Variants in AGBL1 observed in about 807,000 individuals in gnomAD.
AGBL1 encodes the protein AGBL carboxypeptidase 1.
AGBL1 carries 130 observed loss-of-function variants against 118.9 expected under a neutral mutation model. The ratio of observed to expected loss-of-function variants is 1.09; its 90% CI spans 0.95 to 1.26. The LOEUF is 1.26. AGBL1 is among the 50% of genes most tolerant of loss of function. The probability of loss-of-function intolerance (pLI) is 0.00; values close to 1 mark genes in which losing one functional copy is unlikely to be tolerated. For missense variants in AGBL1, 1,584 were observed against 1,298.1 expected (o/e 1.22, Z -3.38); for synonymous variants, 555 against 478.9 (o/e 1.16, Z -2.08).
At chr15:86,338,909 T>G (rs1378746178) in intron 17 of AGBL1, among the ~76,000 whole-genome samples, 1 of 152,162 alleles carries the variant, frequency 6.6e-6, no homozygotes, top group Non-Finnish European at 1.5e-5. Context: ...GTAGGTTTGT[T>G]GTGGATGATT....
chr15:86,604,049 C>T (rs1323110742), intron 21 of AGBL1, among the ~76,000 whole-genome samples: 2 of 151,592 alleles, frequency 1.3e-5, no homozygotes, highest in Admixed American at 1.3e-4. Flanking sequence ...CATTTTCTTA[C>T]ACCATTAGCT....
chr15:86,416,411 A>C (rs916387711), intron 18 of AGBL1, among the ~76,000 whole-genome samples: 2 of 152,142 alleles, frequency 1.3e-5, no homozygotes, highest in Non-Finnish European at 2.9e-5. Flanking sequence ...AGTGTTTATG[A>C]GTCCTGATCA....
At chr15:86,108,567 A>G (rs1327162070) in intron 1 of AGBL1, among the ~76,000 whole-genome samples, 1 of 152,132 alleles carries the variant, frequency 6.6e-6, no homozygotes, top group African/African-American at 2.4e-5. Context: ...TTTCAAGTGG[A>G]TACGTTTAGG....
At chr15:86,973,025 C>A (rs1433311575) in intron 23 of AGBL1, among the ~76,000 whole-genome samples, 6 of 151,918 alleles carry the variant, frequency 3.9e-5, no homozygotes, top group Admixed American at 3.9e-4. Context: ...TTGCAACTTT[C>A]TGGTTGTGTG....
At chr15:86,586,260 A>C (rs2084246682) in intron 21 of AGBL1, among the ~76,000 whole-genome samples, 1 of 152,182 alleles carries the variant, frequency 6.6e-6, no homozygotes, top group South Asian at 2.1e-4. Context: ...ACACCTGAAA[A>C]CATTCATAAC....
chr15:86,976,716 C>A (rs898695611), intron 23 of AGBL1, among the ~76,000 whole-genome samples: 2 of 151,446 alleles, frequency 1.3e-5, no homozygotes, highest in Admixed American at 1.3e-4. Context: ...AGTTGATAGA[C>A]AAAATTTGTA....
At chr15:86,584,535 T>C (rs1596290285) in intron 21 of AGBL1, among the ~76,000 whole-genome samples, 1 of 152,140 alleles carries the variant, frequency 6.6e-6, no homozygotes, top group East Asian at 1.9e-4. Context: ...TTCTGTTCCA[T>C]TGGTATTTAT....
At chr15:86,672,408 G>A (rs975376861) in intron 21 of AGBL1, among the ~76,000 whole-genome samples, 7 of 152,328 alleles carry the variant, frequency 4.6e-5, no homozygotes, top group African/African-American at 1.7e-4. Context: ...CATATACTGT[G>A]AGGTTTATTT....
chr15:86,695,451 G>T (rs375439332), intron 22 of AGBL1, among the ~76,000 whole-genome samples: 85 of 151,604 alleles, frequency 5.6e-4, no homozygotes, highest in African/African-American at 2.0e-3. Context: ...CTCCCATTTC[G>T]TTTCTAATTG....
intron 21 of AGBL1, among the ~76,000 whole-genome samples, chr15:86,592,330 CAG>C (rs1435757739): frequency 5.9e-5 from 9 of 152,166 alleles, no homozygotes. Flanking sequence ...GGGCATAAGG[CAG>C]AGGGAGAGAC....
intron 22 of AGBL1, among the ~76,000 whole-genome samples, chr15:86,707,516 T>G (rs1205172380): frequency 6.6e-6 from 1 of 152,162 alleles, no homozygotes; most frequent in African/African-American, 2.4e-5. Context: ...ATCCCTCATG[T>G]TCTAAAGATA....
intron 18 of AGBL1, among the ~76,000 whole-genome samples, chr15:86,432,834 A>C (rs1158938729): frequency 6.6e-6 from 1 of 152,042 alleles, no homozygotes; most frequent in Non-Finnish European, 1.5e-5. Flanking sequence ...CTTTGAGAAC[A>C]ATGAGGAGCA....
At chr15:86,114,025 GAAATA>G (rs1897602240) in intron 1 of AGBL1, among the ~76,000 whole-genome samples, 1 of 152,190 alleles carries the variant, frequency 6.6e-6, no homozygotes, top group African/African-American at 2.4e-5. Flanking sequence ...AACTACACTT[GAAATA>G]AAATATGTGA....
intron 22 of AGBL1, among the ~76,000 whole-genome samples, chr15:86,856,851 T>C (rs762265346): frequency 6.6e-6 from 1 of 152,248 alleles, no homozygotes; most frequent in Non-Finnish European, 1.5e-5. Context: ...CACTGTACTA[T>C]GCTGACTTTG....
At chr15:86,319,927 T>G (rs2080079459) in intron 17 of AGBL1, among the ~76,000 whole-genome samples, 1 of 151,942 alleles carries the variant, frequency 6.6e-6, no homozygotes, top group Non-Finnish European at 1.5e-5. Flanking sequence ...TGGCTAATTT[T>G]TGTGTTTTTA....
intron 18 of AGBL1, among the ~76,000 whole-genome samples, chr15:86,487,261 C>T (rs1451288976): frequency 6.6e-6 from 1 of 152,058 alleles, no homozygotes; most frequent in Non-Finnish European, 1.5e-5. Context: ...ATGAAAACTT[C>T]TCTCTTCCTA....
chr15:86,628,444 G>A (rs915209440), intron 21 of AGBL1, among the ~76,000 whole-genome samples: 1 of 152,112 alleles, frequency 6.6e-6, no homozygotes, highest in African/African-American at 2.4e-5. Flanking sequence ...TGATAGGCGC[G>A]TTGAATGAAA....
chr15:86,219,305 G>T (rs555411708), intron 5 of AGBL1, among the ~76,000 whole-genome samples: 2 of 152,186 alleles, frequency 1.3e-5, no homozygotes, highest in East Asian at 3.9e-4. Context: ...TGTAATTGTG[G>T]TTTTTGCCAT....
chr15:86,707,444 T>C (rs944817737), intron 22 of AGBL1, among the ~76,000 whole-genome samples: 1 of 152,128 alleles, frequency 6.6e-6, no homozygotes, highest in Non-Finnish European at 1.5e-5. Context: ...TTTTTGTTTT[T>C]CCCAGCTCTG....
Sources: allele counts gnomAD v4.1 joint callset (sites outside exome capture counted in the v4.1 genomes callset), GRCh38; gene constraint gnomAD v4.1.1; transcripts MANE v1.5; gene names NCBI Gene and HGNC (gene_info 2026-07-23, HGNC 2026-07-21).